The following NCAM2 variants were observed in gnomAD, a reference collection of about 807,000 sequenced individuals.
NCAM2 encodes N-CAM-2.
A neutral mutation model predicts 98.1 loss-of-function variants in NCAM2; 30 were observed. That is an observed-to-expected ratio of 0.31 (90% CI 0.23 to 0.41). The LOEUF is 0.41. Ranked by LOEUF, NCAM2 falls within the 10% of genes least tolerant of loss-of-function variation. The pLI is 1.00. For missense variants in NCAM2, 867 were observed against 1,005.8 expected (o/e 0.86, Z 1.87); for synonymous variants, 368 against 342.4 (o/e 1.07, Z -0.83).
intron 5 of NCAM2, among the ~76,000 whole-genome samples, chr21:21,297,469 C>T (rs2073529231): frequency 6.6e-6 from 1 of 151,650 alleles, no homozygotes; most frequent in African/African-American, 2.4e-5. Flanking sequence ...ATCATCATAC[C>T]TTGTTTCACT....
intron 1 of NCAM2, among the ~76,000 whole-genome samples, chr21:21,169,284 A>G (rs1262067915): frequency 6.6e-6 from 1 of 152,164 alleles, no homozygotes; most frequent in East Asian, 1.9e-4. Context: ...ACAAAAATTA[A>G]TTCAAAATGG....
At chr21:21,475,778 G>A (rs1183984920) in intron 14 of NCAM2, among the ~76,000 whole-genome samples, 1 of 152,056 alleles carries the variant, frequency 6.6e-6, no homozygotes, top group African/African-American at 2.4e-5. Flanking sequence ...GCTTCGTTAG[G>A]GGTTCTAATA....
chr21:21,378,957 C>T (rs1021496643), intron 9 of NCAM2, among the ~76,000 whole-genome samples: 61 of 152,054 alleles, frequency 4.0e-4, no homozygotes, highest in African/African-American at 1.3e-3. Context: ...ACATGTTATA[C>T]GGTTCGTGTT....
chr21:21,275,398 C>T (rs2072690206), intron 1 of NCAM2, among the ~76,000 whole-genome samples: 1 of 151,254 alleles, frequency 6.6e-6, no homozygotes, highest in African/African-American at 2.4e-5. Flanking sequence ...TGAGATCATG[C>T]CACTGCACTC....
chr21:21,310,668 G>T (rs1019757492), intron 5 of NCAM2, among the ~76,000 whole-genome samples: 13 of 152,054 alleles, frequency 8.5e-5, no homozygotes, highest in Non-Finnish European at 1.5e-4. Context: ...TTTAATATTT[G>T]CATGTTTGTT....
chr21:21,205,607 A>G (rs967238161), intron 1 of NCAM2, among the ~76,000 whole-genome samples: 1 of 152,204 alleles, frequency 6.6e-6, no homozygotes, highest in Non-Finnish European at 1.5e-5. Context: ...ATAGTTGACT[A>G]TTTAGAAGAA....
intron 1 of NCAM2, among the ~76,000 whole-genome samples, chr21:21,267,578 A>G (rs1172545410): frequency 6.6e-6 from 1 of 151,766 alleles, no homozygotes; most frequent in Admixed American, 6.6e-5. Flanking sequence ...GTTCATTTGG[A>G]AGAAAAAAAA....
intron 1 of NCAM2, among the ~76,000 whole-genome samples, chr21:21,013,412 C>T (rs1417594971): frequency 1.3e-5 from 2 of 152,174 alleles, no homozygotes; most frequent in African/African-American, 4.8e-5. Context: ...TACTCCAGTT[C>T]TGTGGAGGCT....
intron 1 of NCAM2, among the ~76,000 whole-genome samples, chr21:21,000,628 G>A (rs933073973): frequency 6.6e-6 from 1 of 152,076 alleles, no homozygotes; most frequent in Non-Finnish European, 1.5e-5. Flanking sequence ...AATGAAACAG[G>A]GTAGAAGGAG....
chr21:21,468,329 A>T (rs1983990101), intron 13 of NCAM2, among the ~76,000 whole-genome samples: 2 of 152,044 alleles, frequency 1.3e-5, no homozygotes, highest in African/African-American at 2.4e-5. Context: ...TACATTAAGA[A>T]AATAAAAATG....
At chr21:21,473,009 C>T (rs908926654) in intron 14 of NCAM2, among the ~76,000 whole-genome samples, 11 of 151,230 alleles carry the variant, frequency 7.3e-5, no homozygotes, top group Non-Finnish European at 8.9e-5. Context: ...CATACACACA[C>T]ACACACGTAT....
intron 1 of NCAM2, among the ~76,000 whole-genome samples, chr21:21,024,969 A>AATTTTATG (rs1235190528): frequency 3.3e-5 from 5 of 152,138 alleles, no homozygotes; most frequent in Middle Eastern, 3.4e-3. Context: ...TTCAGGTCAG[A>AATTTTATG]ATTTTATGTG....
intron 1 of NCAM2, among the ~76,000 whole-genome samples, chr21:21,224,920 G>T (rs1379897969): frequency 6.6e-6 from 1 of 152,140 alleles, no homozygotes; most frequent in African/African-American, 2.4e-5. Context: ...TGGCATGTAT[G>T]AAATGTTGGC....
intron 15 of NCAM2, among the ~76,000 whole-genome samples, chr21:21,502,253 A>C (rs1375540599): frequency 6.6e-6 from 1 of 151,950 alleles, no homozygotes. Context: ...TGAAACTCTA[A>C]AGAACAGTTA....
At chr21:21,417,020 AC>A (rs2077008314) in intron 10 of NCAM2, among the ~76,000 whole-genome samples, 1 of 152,100 alleles carries the variant, frequency 6.6e-6, no homozygotes, top group Non-Finnish European at 1.5e-5. Flanking sequence ...ACTCCCAGGA[AC>A]AACAACAAAA....
chr21:21,045,497 A>T (rs1470109858), intron 1 of NCAM2, among the ~76,000 whole-genome samples: 2 of 152,022 alleles, frequency 1.3e-5, no homozygotes, highest in Admixed American at 1.3e-4. Context: ...AATTTATAAA[A>T]CAATATATGG....
intron 13 of NCAM2, among the ~76,000 whole-genome samples, chr21:21,467,682 CA>C (rs1983896769): frequency 6.6e-6 from 1 of 151,282 alleles, no homozygotes; most frequent in Non-Finnish European, 1.5e-5. Flanking sequence ...CCTATCTCTC[CA>C]AAAAACAATA....
intron 1 of NCAM2, among the ~76,000 whole-genome samples, chr21:21,149,917 T>C (rs932529822): frequency 5.9e-5 from 9 of 152,138 alleles, no homozygotes; most frequent in African/African-American, 9.7e-5. Flanking sequence ...TTATAATCCT[T>C]TGGGTATATA....
chr21:21,131,712 A>G (rs1292400015), intron 1 of NCAM2, among the ~76,000 whole-genome samples: 2 of 152,202 alleles, frequency 1.3e-5, no homozygotes, highest in Non-Finnish European at 2.9e-5. Flanking sequence ...TATATATATG[A>G]CACTACCTAT....
Sources: allele counts gnomAD v4.1 joint callset (sites outside exome capture counted in the v4.1 genomes callset), GRCh38; gene constraint gnomAD v4.1.1; transcripts MANE v1.5; gene names NCBI Gene and HGNC (gene_info 2026-07-23, HGNC 2026-07-21).